The following STK32B variants were observed in gnomAD, a reference collection of about 807,000 sequenced individuals.
The protein encoded by STK32B is serine/threonine-protein kinase 32B.
A neutral mutation model predicts 52.6 loss-of-function variants in STK32B; 43 were observed. That is an observed-to-expected ratio of 0.82 (90% CI 0.64 to 1.05). STK32B has a LOEUF of 1.05. STK32B is among the 50% of genes least tolerant of loss of function. The pLI, the probability that STK32B is intolerant of heterozygous loss-of-function variation, is 0.00. For synonymous variants in STK32B, 238 were observed against 204.3 expected, an observed-to-expected ratio of 1.17 and a Z score of -1.41; for missense variants, 621 against 534.6, an observed-to-expected ratio of 1.16 and a Z score of -1.59.
intron 2 of STK32B, among the ~76,000 whole-genome samples, chr4:5,145,148 C>T (rs572365722): frequency 6.6e-6 from 1 of 152,292 alleles, no homozygotes; most frequent in East Asian, 1.9e-4. Flanking sequence ...TGCAAATACG[C>T]AGTGAAGGTG....
At chr4:5,362,735 G>A (rs547151609) in intron 4 of STK32B, among the ~76,000 whole-genome samples, 10 of 152,220 alleles carry the variant, frequency 6.6e-5, no homozygotes, top group African/African-American at 2.4e-4. Flanking sequence ...CCCAAAGAAG[G>A]CTGGGGTGAA....
At chr4:5,320,214 G>A (rs1042238810) in intron 3 of STK32B, among the ~76,000 whole-genome samples, 11 of 152,158 alleles carry the variant, frequency 7.2e-5, no homozygotes, top group South Asian at 2.1e-4. Context: ...TGAGTAGAGC[G>A]GCCACATCTG....
Position 5,395,492 on chromosome 4 carries a change from T to A in STK32B, c.435-2715T>A, listed in dbSNP as rs1286816244. On this transcript the variant is annotated intron_variant, in intron 4 of 11. Coordinates refer to ENST00000282908, the MANE Select transcript of STK32B (RefSeq NM_018401.3). This position sits in a 1 kb window ranked among gnomAD's most constrained non-coding sequence, Gnocchi z 4.4. The stretch of plus-strand genomic sequence containing the variant: ...GACCATCTACCAAAACTAGGGTCCC[T>A]CTATTAGTCTTTTTTCTAGACTCTG... Among the ~76,000 whole-genome samples, 4 of 152,206 alleles carry A rather than the reference T, an allele frequency of 2.6e-5. No individual in the cohort carries two copies. The highest frequency in any genetic ancestry group is 5.9e-5 in the Non-Finnish European group (4 of 68,034).
intron 3 of STK32B, among the ~76,000 whole-genome samples, chr4:5,174,794 C>T (rs1441258925): frequency 6.6e-6 from 1 of 152,134 alleles, no homozygotes; most frequent in Non-Finnish European, 1.5e-5. Flanking sequence ...AGTTGCTCTT[C>T]TCGAGGAGTA....
intron 5 of STK32B, among the ~76,000 whole-genome samples, chr4:5,411,483 C>T (rs1711672639): frequency 6.6e-6 from 1 of 152,158 alleles, no homozygotes; most frequent in Admixed American, 6.5e-5. Flanking sequence ...ACAATATATA[C>T]AACTAAAAAT....
Position 5,467,259 on chromosome 4 carries a change from T to C in STK32B, c.1041+425T>C, listed in dbSNP as rs1465541276. On this transcript the variant is annotated intron_variant, in intron 10 of 11. Transcript: ENST00000282908. This position sits in a 1 kb window ranked among gnomAD's most constrained non-coding sequence, Gnocchi z 5.8. The stretch of plus-strand genomic sequence containing the variant: ...CAACCCACATTGATTCTCTCACGGT[T>C]CTGGAGGCCAGAAATCCAAACTCAA... Among the ~76,000 whole-genome samples the C allele has an allele frequency of 6.6e-6, 1 of 152,164 alleles. No individual in the cohort carries two copies. Among genetic ancestry groups the C allele is most frequent in the Non-Finnish European group, 1.5e-5 (1 of 68,028 alleles).
intron 3 of STK32B, among the ~76,000 whole-genome samples, chr4:5,190,140 T>C (rs1721063553): frequency 6.6e-6 from 1 of 152,168 alleles, no homozygotes; most frequent in Admixed American, 6.5e-5. Flanking sequence ...AGAAATGCTT[T>C]TGCTAGCCTG....
At chr4:5,264,925 A>G (rs1051517477) in intron 3 of STK32B, among the ~76,000 whole-genome samples, 1 of 152,198 alleles carries the variant, frequency 6.6e-6, no homozygotes, top group Non-Finnish European at 1.5e-5. Context: ...TCTTGATGCC[A>G]TTATGAATAA....
intron 7 of STK32B, among the ~76,000 whole-genome samples, chr4:5,455,088 G>A (rs1716377684): frequency 6.6e-6 from 1 of 152,128 alleles, no homozygotes; most frequent in Non-Finnish European, 1.5e-5. Context: ...CTCCCTTCTG[G>A]GTGTGCACAT....
At chr4:5,309,841 G>A (rs1165654578) in intron 3 of STK32B, among the ~76,000 whole-genome samples, 3 of 152,132 alleles carry the variant, frequency 2.0e-5, no homozygotes, top group African/African-American at 7.2e-5. Context: ...TTATGGAGAG[G>A]ATCTCAAAAG....
chr4:5,318,823 G>A (rs988348554), intron 3 of STK32B, among the ~76,000 whole-genome samples: 23 of 151,112 alleles, frequency 1.5e-4, no homozygotes, highest in East Asian at 9.7e-4. Context: ...TTTTTGAGAC[G>A]GAGTCTTGCT....
At chr4:5,359,587 G>A (rs770803442) in intron 4 of STK32B, among the ~76,000 whole-genome samples, 1 of 152,218 alleles carries the variant, frequency 6.6e-6, no homozygotes, top group Admixed American at 6.5e-5. Flanking sequence ...GATAAGTGCT[G>A]TGAAATACTA....
rs150157469 is a variant in STK32B at position 5,113,971 on chromosome 4, C to T, written c.53-25934C>T. Among the ~76,000 whole-genome samples the T allele has an allele frequency of 4.4e-3, 674 of 152,146 alleles. 6 individuals carry two copies. The highest frequency in any genetic ancestry group is 0.014 in the African/African-American group (599 of 41,512). On this transcript the variant is annotated intron_variant, in intron 1 of 11. Coordinates refer to ENST00000282908, the MANE Select transcript of STK32B (RefSeq NM_018401.3). The stretch of plus-strand genomic sequence containing the variant: ...TCAGATCTTGTGAGACTTACTATCA[C>T]GAGAATAGCATGAGAAAGACCTGCT...
intron 4 of STK32B, among the ~76,000 whole-genome samples, chr4:5,347,957 C>G (rs918353976): frequency 6.6e-6 from 1 of 152,026 alleles, no homozygotes. Flanking sequence ...TTTATAGCAG[C>G]ATGATAATGG....
chr4:5,140,027 G>C (rs1460869015), intron 2 of STK32B, 67 bp downstream of exon 2: 4 of 1,587,700 alleles, frequency 2.5e-6, no homozygotes, highest in Non-Finnish European at 3.5e-6. Flanking sequence ...CTGTGTGTTG[G>C]TTGCTGGGCA....
intron 5 of STK32B, among the ~76,000 whole-genome samples, chr4:5,408,352 C>T (rs1016767825): frequency 6.6e-6 from 1 of 151,958 alleles, no homozygotes; most frequent in Admixed American, 6.6e-5. Context: ...TGTTTAAATG[C>T]AGGTAGCACC....
chr4:5,412,742 A>G (rs1244571466), intron 5 of STK32B, among the ~76,000 whole-genome samples: 1 of 152,206 alleles, frequency 6.6e-6, no homozygotes, highest in Non-Finnish European at 1.5e-5. Context: ...TGCACCAGTT[A>G]TTAACCCTAA....
chr4:5,127,625 T>TG (rs33988317), intron 1 of STK32B, among the ~76,000 whole-genome samples: 75,653 of 151,814 alleles, frequency 0.5, 19,121 homozygotes, highest in Admixed American at 0.57. Context: ...GGATTTAGAA[T>TG]GGCCTTATAA....
At chr4:5,434,448 G>GTA (rs1269512973) in intron 6 of STK32B, among the ~76,000 whole-genome samples, 1 of 105,242 alleles carries the variant, frequency 9.5e-6, no homozygotes, top group African/African-American at 3.4e-5. Flanking sequence ...GTGTGTGTGT[G>GTA]TGTGTGTATA....
Sources: gnomAD v4.1 joint callset for allele counts (sites outside exome capture counted in the v4.1 genomes callset) on GRCh38, gnomAD v4.1.1 for gene constraint, Gnocchi (gnomAD v3.1) non-coding constraint, MANE v1.5 for transcripts, NCBI Gene and HGNC (gene_info 2026-07-23, HGNC 2026-07-21) for gene names.